The following TRIM9 variants were observed in gnomAD, a reference collection of about 807,000 sequenced individuals.
The protein encoded by TRIM9 is tripartite motif containing 9, also known as E3 ubiquitin-protein ligase TRIM9.
A neutral mutation model predicts 78.3 loss-of-function variants in TRIM9; 26 were observed. That is an observed-to-expected ratio of 0.33 (90% CI 0.24 to 0.46). The LOEUF is 0.46. Ranked by LOEUF, TRIM9 falls within the 20% of genes least tolerant of loss-of-function variation. The pLI is 1.00. For synonymous variants in TRIM9, 398 were observed against 416.5 expected, an observed-to-expected ratio of 0.96 and a Z score of 0.54; for missense variants, 787 against 1,036.4, an observed-to-expected ratio of 0.76 and a Z score of 3.30.
intron 1 of TRIM9, among the ~76,000 whole-genome samples, chr14:51,071,964 A>G (rs2062314116): frequency 6.6e-6 from 1 of 152,246 alleles, no homozygotes; most frequent in African/African-American, 2.4e-5. Context: ...TCCCGGACTC[A>G]GCAGCGTGAG....
At chr14:51,002,208 G>A (rs2055154576) in intron 5 of TRIM9, among the ~76,000 whole-genome samples, 2 of 151,906 alleles carry the variant, frequency 1.3e-5, no homozygotes, top group African/African-American at 2.4e-5. Flanking sequence ...TGCAAGCTCC[G>A]CCTCCCAGGT....
At chr14:51,022,799 G>A in intron 3 of TRIM9, 36 bp downstream of exon 3, 11 of 1,612,110 alleles carry the variant, frequency 6.8e-6, no homozygotes, top group Middle Eastern at 1.7e-4. Flanking sequence ...AGCCTGGCTT[G>A]TTGGCTTTCT....
At chr14:51,047,508 A>G (rs1254499287) in intron 1 of TRIM9, among the ~76,000 whole-genome samples, 2 of 152,214 alleles carry the variant, frequency 1.3e-5, no homozygotes, top group Non-Finnish European at 2.9e-5. Context: ...GAGATATTAT[A>G]AAGTTAGAAA....
chr14:51,090,277 G>A (rs144408473), intron 1 of TRIM9, among the ~76,000 whole-genome samples: 1 of 152,286 alleles, frequency 6.6e-6, no homozygotes, highest in African/African-American at 2.4e-5. Flanking sequence ...TGTGTTTACT[G>A]CTGACATATA....
At chr14:50,978,556 C>A (rs1297841268) in intron 12 of TRIM9, among the ~76,000 whole-genome samples, 1 of 152,196 alleles carries the variant, frequency 6.6e-6, no homozygotes, top group Admixed American at 6.5e-5. Context: ...AGGCTCAGCT[C>A]ACCGGTAACT....
At chr14:51,023,812 T>A (rs2057983169) in intron 2 of TRIM9, among the ~76,000 whole-genome samples, 1 of 152,216 alleles carries the variant, frequency 6.6e-6, no homozygotes, top group Non-Finnish European at 1.5e-5. Flanking sequence ...TACTCACATA[T>A]ACGTTAGTAA....
chr14:51,093,425 C>T (rs1210260912), intron 1 of TRIM9, among the ~76,000 whole-genome samples: 10 of 152,260 alleles, frequency 6.6e-5, no homozygotes, highest in Non-Finnish European at 1.3e-4. Flanking sequence ...CCGGTCCTGA[C>T]ACTCTAGTCT....
At chr14:51,054,974 C>T (rs924957323) in intron 1 of TRIM9, among the ~76,000 whole-genome samples, 2 of 151,982 alleles carry the variant, frequency 1.3e-5, no homozygotes, top group African/African-American at 4.8e-5. Flanking sequence ...GGACAACAAG[C>T]GCGCGCCACC....
intron 6 of TRIM9, among the ~76,000 whole-genome samples, chr14:50,999,801 TGGAGAGGATGGAAAGTAGGGTGGCAG>T (rs961604135): frequency 6.6e-6 from 1 of 151,478 alleles, no homozygotes; most frequent in African/African-American, 2.4e-5. Context: ...AAGACTAGGG[TGGAGAGGATGGAAAGTAGGGTGGCAG>T]GGAGAGGATG....
At chr14:50,986,457 G>A (rs1250446425) in intron 7 of TRIM9, 2 of 198,864 alleles carry the variant, frequency 1.0e-5, no homozygotes, top group Middle Eastern at 1.8e-3. Context: ...TGTACAAAAT[G>A]TAAAGGCAAA....
chr14:50,979,083 C>A, intron 12 of TRIM9: 1 of 1,331,996 alleles, frequency 7.5e-7, no homozygotes, highest in Non-Finnish European at 9.6e-7. Context: ...TGGTTAAAGG[C>A]TTTCGTTTCT....
chr14:50,986,230 G>A, intron 7 of TRIM9, 86 bp from the exon 8 acceptor site: 2 of 1,140,734 alleles, frequency 1.8e-6, no homozygotes, highest in South Asian at 2.8e-5. Flanking sequence ...CCTTAACAAT[G>A]CATTCATACA....
chr14:50,999,879 G>A lies in TRIM9; in HGVS notation c.1464+804C>T, dbSNP rs563546124. 6.6e-5 allele frequency among the ~76,000 whole-genome samples: 10 copies of A among 152,262 alleles called. No individual in the cohort carries two copies. In the East Asian group the frequency reaches 9.7e-4, roughly 15 times the overall value. On this transcript the variant is annotated intron_variant, in intron 6 of 12. Transcript: ENST00000684578. The stretch of plus-strand genomic sequence containing the variant: ...TGTATGAGAGAAGCAGACACATGCC[G>A]GCAGGTGGTGGCACATGAATCATCA...
At chr14:51,027,752 G>A (rs1358288479) in intron 1 of TRIM9, among the ~76,000 whole-genome samples, 4 of 152,024 alleles carry the variant, frequency 2.6e-5, no homozygotes, top group Non-Finnish European at 5.9e-5. Context: ...AGGGAAAAAC[G>A]GTCTCATTTG....
Position 51,011,498 on chromosome 14 carries a change from G to A in TRIM9, c.1042-1004C>T, listed in dbSNP as rs373477270. ...GCTATCTTTGAATGGTTTTTGAAGC[G>A]TAAAATTGAAGAAGGGTTTTCCAGG... On this transcript the variant is annotated intron_variant, in intron 3 of 12. Coordinates refer to ENST00000684578, the MANE Select transcript of TRIM9 (RefSeq NM_001387360.1). Among the ~76,000 whole-genome samples the A allele has an allele frequency of 5.4e-4, 82 of 152,186 alleles. 2 individuals carry two copies. The South Asian group carries it at 0.016, about 29-fold the overall frequency.
At chr14:51,025,606 A>G (rs1227760561) in intron 1 of TRIM9, among the ~76,000 whole-genome samples, 2 of 152,196 alleles carry the variant, frequency 1.3e-5, no homozygotes, top group African/African-American at 4.8e-5. Context: ...GCTGATATCA[A>G]CCTAGAATTT....
intron 3 of TRIM9, among the ~76,000 whole-genome samples, chr14:51,020,937 C>A (rs1266640753): frequency 5.9e-5 from 9 of 152,128 alleles, no homozygotes; most frequent in Non-Finnish European, 1.3e-4. Flanking sequence ...GAAGTGTTCG[C>A]AATGTTTCAA....
Position 50,997,823 on chromosome 14 carries a change from C to A in TRIM9, c.1603+227G>T, listed in dbSNP as rs2054421068. 3 of 1,384,118 alleles carry A rather than the reference C, an allele frequency of 2.2e-6. No homozygotes were observed. The Admixed American group carries it at 8.7e-5, about 40-fold the overall frequency. 85.7% of individuals were successfully genotyped at this position (1,384,118 alleles called of 1,614,324 possible). Reference sequence around the variant, plus strand: ...TTTAGATTGTTATCAAAGGAAGCCGCCGGCCCAAGCCATTGGAACTGCCGA... The same window carrying A: ...TTTAGATTGTTATCAAAGGAAGCCGACGGCCCAAGCCATTGGAACTGCCGA... On this transcript the variant is annotated intron_variant, in intron 7 of 12. Coordinates refer to ENST00000684578, the MANE Select transcript of TRIM9 (RefSeq NM_001387360.1).
intron 1 of TRIM9, among the ~76,000 whole-genome samples, chr14:51,073,693 C>G (rs781305014): frequency 2.0e-5 from 3 of 152,188 alleles, no homozygotes; most frequent in Non-Finnish European, 4.4e-5. Context: ...TGATGATATC[C>G]TGATATTCTG....
Sources: gnomAD v4.1 joint callset for allele counts (sites outside exome capture counted in the v4.1 genomes callset) on GRCh38, gnomAD v4.1.1 for gene constraint, MANE v1.5 for transcripts, NCBI Gene and HGNC (gene_info 2026-07-23, HGNC 2026-07-21) for gene names.